Variants in NBPF26 observed in about 807,000 individuals in gnomAD.
NBPF26 encodes the protein NBPF family member NBPF26.
NBPF26 carries 79 observed loss-of-function variants against 119.6 expected under a neutral mutation model. That is an observed-to-expected ratio of 0.66 (90% confidence interval 0.55 to 0.80). NBPF26 has a LOEUF of 0.80. Among genes scored for constraint, NBPF26 ranks in the 30% least tolerant of loss-of-function variants. The probability of loss-of-function intolerance (pLI) is 0.00; values close to 1 mark genes in which losing one functional copy is unlikely to be tolerated. For missense variants in NBPF26, 800 were observed against 1,198.2 expected (o/e 0.67, Z 4.91); for synonymous variants, 299 against 457.7 (o/e 0.65, Z 4.43).
At chr1:120,777,997 C>A (rs1453220922) in intron 2 of NBPF26, among the ~76,000 whole-genome samples, 6 of 81,654 alleles carry the variant, frequency 7.3e-5, no homozygotes, top group Non-Finnish European at 1.3e-4. Context: ...AGTTTGTAGT[C>A]GGAGCCTTGG....
intron 10 of NBPF26, among the ~76,000 whole-genome samples, chr1:120,813,429 A>C (rs1396663491): frequency 7.8e-6 from 1 of 127,820 alleles, no homozygotes; most frequent in Non-Finnish European, 1.6e-5. Flanking sequence ...TTTAAAAATC[A>C]AAGATTTTAA....
intron 2 of NBPF26, among the ~76,000 whole-genome samples, chr1:120,764,631 A>T (rs1377621755): frequency 8.7e-6 from 1 of 115,458 alleles, no homozygotes; most frequent in Non-Finnish European, 1.7e-5. Flanking sequence ...TACTCTAGCC[A>T]AGACGTTTTG....
rs1445117401 is a variant in NBPF26, at chr1:120,764,024, G to A, written c.155+315G>A. Among the ~76,000 whole-genome samples the A allele has an allele frequency of 1.0e-4, 12 of 114,548 alleles. 1 individual carries two copies. The highest frequency in any genetic ancestry group is 1.7e-4 in the Non-Finnish European group (10 of 59,862). The allele number at this position is 114,548 out of a possible 152,430, so 75.1% of individuals were successfully genotyped here. A position where few individuals can be genotyped will look rare whatever the true frequency, so the allele number is the denominator to read the frequency against. On this transcript the variant is annotated intron_variant, in intron 2 of 29. Coordinates refer to ENST00000620612, the Ensembl canonical transcript of NBPF26. ...AGCACTTCAGGAGGCTGAGTTGGGC[G>A]AATCACGAGGTCAGGAGTTCAAGAT...
chr1:120,804,309 C>G (rs1364756996), intron 4 of NBPF26, among the ~76,000 whole-genome samples: 2 of 108,234 alleles, frequency 1.8e-5, no homozygotes, highest in African/African-American at 1.2e-4. Flanking sequence ...TTCCTCTCAC[C>G]TCAAACTCAC....
At position 120,840,288 on chromosome 1, in the gene NBPF26, A is replaced by G. The variant is rs1449382525; in HGVS notation, c.4104-62A>G. The G allele has an allele frequency of 8.5e-5, 123 of 1,444,252 alleles. 27 individuals are homozygous for G. Among genetic ancestry groups the G allele is most frequent in the South Asian group, 2.2e-4 (18 of 83,080 alleles). The allele number at this position is 1,444,252 out of a possible 1,614,324, so 89.5% of individuals were successfully genotyped here. A position where few individuals can be genotyped will look rare whatever the true frequency, so the allele number is the denominator to read the frequency against. On this transcript the variant is annotated intron_variant, in intron 29 of 29. Coordinates refer to ENST00000620612, the Ensembl canonical transcript of NBPF26. ...CTTCCTTATGTTACTTCTGAAATCT[A>G]GTGGGGCTCTGTGGTGTCCGATTTT...
exon 4 of NBPF26, chr1:120,793,441 T>C (rs1651517443): frequency 6.9e-7 from 1 of 1,441,368 alleles, no homozygotes; most frequent in Admixed American, 2.0e-5. Context: ...CTTGTGTCAA[T>C]GGAGGCACCT....
intron 2 of NBPF26, among the ~76,000 whole-genome samples, chr1:120,764,976 T>C (rs1395583448): frequency 2.4e-5 from 2 of 84,882 alleles, no homozygotes; most frequent in Non-Finnish European, 4.3e-5. Context: ...GATTTAGTTT[T>C]TTAATGTTAT....
exon 30 of NBPF26, chr1:120,840,576 G>T: frequency 2.0e-6 from 3 of 1,464,702 alleles, no homozygotes; most frequent in East Asian, 4.5e-5. Flanking sequence ...CCAGATGGGA[G>T]TCATATTCCC....
chr1:120,794,432 C>T (rs1365732195), intron 4 of NBPF26, among the ~76,000 whole-genome samples: 4 of 115,166 alleles, frequency 3.5e-5, no homozygotes, highest in Non-Finnish European at 6.6e-5. Flanking sequence ...ATCCTTAGTA[C>T]AAAAACAAAA....
Position 120,743,527 on chromosome 1 carries a change from TTTTAATATCTGGTTATC to T in NBPF26, c.73+19297_73+19313del, listed in dbSNP as rs1571020861. 1.7e-5 allele frequency among the ~76,000 whole-genome samples: 2 copies of T among 117,040 alleles called. 1 individual carries two copies. The highest frequency in any genetic ancestry group is 5.0e-4 in the South Asian group (2 of 4,036). The allele number at this position is 117,040 out of a possible 152,430, so 76.8% of individuals were successfully genotyped here. A position where few individuals can be genotyped will look rare whatever the true frequency, so the allele number is the denominator to read the frequency against. ...CACATTACAAACTTTAACTTTGGAG[TTTTAATATCTGGTTATC>T]TTTAATATCTGGTTATCTTCTTTCT... On this transcript the variant is annotated intron_variant, in intron 1 of 29. Coordinates refer to ENST00000620612, the Ensembl canonical transcript of NBPF26.
rs1254019170 is a variant in NBPF26 at position 120,788,086 on chromosome 1, C to T, written c.415+2853C>T. Reference sequence around the variant, plus strand: ...TCATCCAGGCGGGACCATTTGTAGTCCCGCCTGGATTGGGCTGTTGTAGTT... The same window carrying T: ...TCATCCAGGCGGGACCATTTGTAGTTCCGCCTGGATTGGGCTGTTGTAGTT... On this transcript the variant is annotated intron_variant, in intron 3 of 29. Coordinates refer to ENST00000620612, the Ensembl canonical transcript of NBPF26. 1.3e-4 allele frequency among the ~76,000 whole-genome samples: 8 copies of T among 62,480 alleles called. 1 individual carries two copies. Among genetic ancestry groups the T allele is most frequent in the African/African-American group, 9.5e-4 (6 of 6,294 alleles). The allele number at this position is 62,480 out of a possible 152,430, so 41.0% of individuals were successfully genotyped here.
intron 15 of NBPF26, among the ~76,000 whole-genome samples, chr1:120,820,447 A>T (rs1321150568): frequency 7.4e-4 from 8 of 10,834 alleles, no homozygotes; most frequent in African/African-American, 2.7e-3. Context: ...AAGTATTAAA[A>T]ATATATATAT....
At chr1:120,770,743 TCA>T (rs1371864039) in intron 2 of NBPF26, among the ~76,000 whole-genome samples, 2 of 118,542 alleles carry the variant, frequency 1.7e-5, no homozygotes, top group East Asian at 4.2e-4. Flanking sequence ...ACCTTGAGTC[TCA>T]GTTTGCCTGT....
At chr1:120,770,681 AT>A (rs1220484568) in intron 2 of NBPF26, among the ~76,000 whole-genome samples, 1 of 120,302 alleles carries the variant, frequency 8.3e-6, no homozygotes, top group Non-Finnish European at 1.6e-5. Context: ...TTCACTCAAG[AT>A]CCCATCACTC....
chr1:120,756,048 ACTT>A (rs1651077099), intron 1 of NBPF26, among the ~76,000 whole-genome samples: 1 of 110,994 alleles, frequency 9.0e-6, no homozygotes, highest in Admixed American at 8.9e-5. Flanking sequence ...AAGCTTCCGC[ACTT>A]CTTCTGTTTG....
chr1:120,727,846 T>C (rs1650832560), intron 1 of NBPF26, among the ~76,000 whole-genome samples: 1 of 117,432 alleles, frequency 8.5e-6, no homozygotes, highest in Admixed American at 8.1e-5. Context: ...CCAAAAGGTC[T>C]TCTTTTCTTT....
At chr1:120,838,512 G>T (rs1178512791) in intron 27 of NBPF26, among the ~76,000 whole-genome samples, 2 of 58,464 alleles carry the variant, frequency 3.4e-5, no homozygotes, top group East Asian at 1.2e-3. Flanking sequence ...CTCTCTCTGT[G>T]TGTGTGTGTG....
In NBPF26 at chr1:120,838,492, C is replaced by T. The variant is rs1232167387; in HGVS notation, c.3822-253C>T. Among the ~76,000 whole-genome samples, 183 of 75,288 alleles carry T rather than the reference C, an allele frequency of 2.4e-3. 2 individuals carry two copies. The highest frequency in any genetic ancestry group is 0.011 in the African/African-American group (177 of 15,800). The allele number at this position is 75,288 out of a possible 152,430, so 49.4% of individuals were successfully genotyped here. ...ACCTGGACAATTCACTGAGCTCGTT[C>T]TCTCTCTCTCTCTCTCTGTGTGTGT... On this transcript the variant is annotated intron_variant, in intron 27 of 29. Transcript: ENST00000620612.
chr1:120,785,135 C>G, exon 3 of NBPF26: 1 of 1,446,540 alleles, frequency 6.9e-7, no homozygotes, highest in Non-Finnish European at 9.2e-7. Flanking sequence ...TACTCGACAC[C>G]TCATCCATGC....
Sources: allele counts gnomAD v4.1 joint callset (sites outside exome capture counted in the v4.1 genomes callset), GRCh38; gene constraint gnomAD v4.1.1; transcripts MANE v1.5; gene names NCBI Gene and HGNC (gene_info 2026-07-23, HGNC 2026-07-21).